CTR9: variants seen among roughly 807,000 people sequenced by gnomAD.
The protein encoded by CTR9 is RNA polymerase-associated protein CTR9 homolog.
In CTR9, 41 loss-of-function variants were observed where a neutral mutation model predicts 152.1. That is an observed-to-expected ratio of 0.27 (90% confidence interval 0.21 to 0.35). CTR9 has a LOEUF of 0.35. CTR9 is among the 10% of genes least tolerant of loss of function. CTR9 has a pLI of 1.00. For missense variants in CTR9, 917 were observed against 1,424.4 expected (o/e 0.64, Z 5.73); for synonymous variants, 476 against 496.2 (o/e 0.96, Z 0.54).
chr11:10,753,908 C>T (rs1410321696), intron 2 of CTR9, among the ~76,000 whole-genome samples: 1 of 152,090 alleles, frequency 6.6e-6, no homozygotes, highest in African/African-American at 2.4e-5. Context: ...AATGATCTAA[C>T]TTCTGAGCAT....
At chr11:10,754,070 T>A (rs1237071817) in intron 2 of CTR9, among the ~76,000 whole-genome samples, 1 of 152,190 alleles carries the variant, frequency 6.6e-6, no homozygotes, top group Non-Finnish European at 1.5e-5. Flanking sequence ...ACAGAGTCTC[T>A]CTATTTTGCC....
At position 10,755,150 on chromosome 11, in the gene CTR9, G is replaced by T; in HGVS notation, c.337G>T (p.Ala113Ser). ...KDNKKDLITQ[A>S]TLLYTMADKI... ...CAATAAAAAGGATCTTATTACACAG[G>T]CCACCTTGTTGTATACAATGGCCGA... Residue 113 changes from alanine (A) to serine (S), a missense_variant, in exon 3 of 25, where the codon GCC (alanine) becomes TCC (serine). Ala to Ser is a moderately conservative substitution (Grantham distance 99). Coordinates refer to ENST00000361367, the MANE Select transcript of CTR9 (RefSeq NM_014633.5). The T allele has an allele frequency of 1.2e-6, 2 of 1,613,728 alleles. No homozygotes were observed. Among genetic ancestry groups the T allele is most frequent in the Non-Finnish European group, 1.7e-6 (2 of 1,179,764 alleles).
intron 2 of CTR9, among the ~76,000 whole-genome samples, chr11:10,753,062 T>C (rs1458681836): frequency 6.6e-6 from 1 of 152,360 alleles, no homozygotes; most frequent in African/African-American, 2.4e-5. Flanking sequence ...TTATGGTTTA[T>C]AGATAAGCTG....
rs1319241739 is a variant in CTR9 at position 10,755,011 on chromosome 11, A to G, written c.198A>G (p.Ala66=). The G allele has an allele frequency of 6.2e-7, 1 of 1,614,144 alleles. No homozygotes were observed. The highest frequency in any genetic ancestry group is 2.2e-5 in the East Asian group (1 of 44,858). Reference sequence around the variant, plus strand: ...AAGAGTTTGTAAAATTGTTGGAAGCAGCACGTATAGATGGCAATTTGGACT... The same window carrying G: ...AAGAGTTTGTAAAATTGTTGGAAGCGGCACGTATAGATGGCAATTTGGACT... The part of the protein sequence containing the change: ...KTEEFVKLLE[A]ARIDGNLDYR... Residue 66 remains alanine (A), a synonymous_variant, in exon 3 of 25, where the codon GCA becomes GCG. Coordinates refer to ENST00000361367, the MANE Select transcript of CTR9 (RefSeq NM_014633.5).
chr11:10,769,824 TAAG>T (rs941001548), intron 16 of CTR9, among the ~76,000 whole-genome samples: 2 of 152,232 alleles, frequency 1.3e-5, no homozygotes, highest in Admixed American at 1.3e-4. Flanking sequence ...TGCCCATTGT[TAAG>T]AAAGGTGTAG....
At chr11:10,777,797 ATT>A (rs1235243250) in intron 24 of CTR9, among the ~76,000 whole-genome samples, 2 of 152,130 alleles carry the variant, frequency 1.3e-5, no homozygotes, top group East Asian at 3.9e-4. Flanking sequence ...AGAGTAATAT[ATT>A]TCACCTCCCT....
chr11:10,775,161 A>G (rs1437960227), intron 22 of CTR9, 46 bp from the exon 23 acceptor site: 1 of 1,474,200 alleles, frequency 6.8e-7, no homozygotes, highest in South Asian at 1.2e-5. Context: ...CTGGAACTTT[A>G]TAGGTAGGCT....
At chr11:10,759,853 G>A (rs1862948347) in intron 5 of CTR9, among the ~76,000 whole-genome samples, 1 of 152,174 alleles carries the variant, frequency 6.6e-6, no homozygotes, top group African/African-American at 2.4e-5. Context: ...TTTGTTCTCT[G>A]TTTAAAAATT....
At chr11:10,758,417 A>G (rs943816168) in intron 5 of CTR9, among the ~76,000 whole-genome samples, 1 of 152,206 alleles carries the variant, frequency 6.6e-6, no homozygotes, top group Admixed American at 6.5e-5. Context: ...GTCAGATTCT[A>G]CATGTATTTT....
At chr11:10,774,777 T>C (rs1415218717) in intron 22 of CTR9, among the ~76,000 whole-genome samples, 3 of 152,142 alleles carry the variant, frequency 2.0e-5, no homozygotes, top group East Asian at 1.9e-4. Flanking sequence ...CCGACTATAT[T>C]TGGGAAAGAA....
chr11:10,755,423 A>C (rs1169628809), intron 3 of CTR9, among the ~76,000 whole-genome samples: 1 of 152,236 alleles, frequency 6.6e-6, no homozygotes, highest in Non-Finnish European at 1.5e-5. Flanking sequence ...TAATTTTATT[A>C]TCTCCAGGTG....
chr11:10,768,779 G>T (rs780373666), intron 16 of CTR9, among the ~76,000 whole-genome samples: 33 of 152,218 alleles, frequency 2.2e-4, no homozygotes, highest in Non-Finnish European at 4.4e-4. Context: ...AGAATTTTGT[G>T]AGGATCCCGT....
At chr11:10,773,360 G>C in intron 21 of CTR9, 87 bp downstream of exon 21, 1 of 1,497,172 alleles carries the variant, frequency 6.7e-7, no homozygotes. Context: ...AATTCCTTCT[G>C]TACTTACTAG....
At chr11:10,755,310 A>G in intron 3 of CTR9, 113 bp downstream of exon 3, 1 of 1,248,644 alleles carries the variant, frequency 8.0e-7, no homozygotes, top group Non-Finnish European at 1.1e-6. Flanking sequence ...AACATGGTTG[A>G]TAGAGTCAAA....
chr11:10,759,566 T>C (rs1213091445), intron 5 of CTR9, among the ~76,000 whole-genome samples: 1 of 152,182 alleles, frequency 6.6e-6, no homozygotes. Context: ...GAAAGGGATA[T>C]AGAATCAAGA....
chr11:10,768,934 C>G (rs903069816), intron 16 of CTR9, among the ~76,000 whole-genome samples: 3 of 152,138 alleles, frequency 2.0e-5, no homozygotes, highest in Non-Finnish European at 4.4e-5. Flanking sequence ...AGAAAACAGG[C>G]CAGGCATGGT....
intron 18 of CTR9, among the ~76,000 whole-genome samples, 186 bp from the exon 19 acceptor site, chr11:10,771,359 A>G (rs1863140382): frequency 6.6e-6 from 1 of 152,248 alleles, no homozygotes; most frequent in African/African-American, 2.4e-5. Flanking sequence ...TACTGATAAT[A>G]TTAAATATAA....
At position 10,763,602 on chromosome 11, in the gene CTR9, A is replaced by T. The variant is rs1033803334; in HGVS notation, c.958-41A>T. The T allele has an allele frequency of 3.2e-6, 5 of 1,568,136 alleles. No individual in the cohort carries two copies. In the African/African-American group the frequency reaches 6.9e-5, roughly 22 times the overall value. ...TTATAGTGTTTTAAGTCTTTCCAATACTTTTGTACATATTGGTCTTTTTTA... is the reference window on the plus strand; with the variant it reads ...TTATAGTGTTTTAAGTCTTTCCAATTCTTTTGTACATATTGGTCTTTTTTA... On this transcript the variant is annotated intron_variant, in intron 8 of 24. Transcript: ENST00000361367.
In CTR9 at chr11:10,778,864, G is replaced by T; in HGVS notation, c.3281G>T (p.Arg1094Ile). 2 of 1,614,240 alleles carry T rather than the reference G, an allele frequency of 1.2e-6. No homozygotes were observed. The highest frequency in any genetic ancestry group is 1.7e-6 in the Non-Finnish European group (2 of 1,180,038). Reference protein sequence around the residue: ...DSDSDQPSRKRRPSGSEQSDN... With the variant: ...DSDSDQPSRKIRPSGSEQSDN... ...GACAGTGACCAGCCATCCAGAAAGA[G>T]AAGGCCCTCCGGTTCTGAGCAGTCT... Residue 1094 changes from arginine (R) to isoleucine (I), a missense_variant, in exon 25 of 25, where the codon AGA (arginine) becomes ATA (isoleucine). Arg to Ile is a moderately conservative substitution (Grantham distance 97). Coordinates refer to ENST00000361367, the MANE Select transcript of CTR9 (RefSeq NM_014633.5).
Sources: gnomAD v4.1 joint callset for allele counts (sites outside exome capture counted in the v4.1 genomes callset) on GRCh38, gnomAD v4.1.1 for gene constraint, MANE v1.5 for transcripts, NCBI Gene and HGNC (gene_info 2026-07-23, HGNC 2026-07-21) for gene names.